CEP112: variants seen among roughly 807,000 people sequenced by gnomAD.
CEP112 encodes the protein centrosomal protein of 112 kDa.
Under a neutral mutation model 153.0 loss-of-function variants are expected in CEP112, and 127 were observed. The ratio of observed to expected loss-of-function variants is 0.83; its 90% CI spans 0.72 to 0.96. The LOEUF (loss-of-function observed/expected upper bound fraction) is 0.96, where lower values mean the gene tolerates loss of function less well. Ranked by LOEUF, CEP112 falls within the 40% of genes least tolerant of loss-of-function variation. CEP112 has a pLI of 0.00. For synonymous variants in CEP112, 358 were observed against 374.4 expected (o/e 0.96, Z 0.51); for missense variants, 1,089 against 1,101.2 (o/e 0.99, Z 0.16).
At chr17:66,040,032 T>C (rs1875402788) in intron 12 of CEP112, among the ~76,000 whole-genome samples, 1 of 152,218 alleles carries the variant, frequency 6.6e-6, no homozygotes, top group Admixed American at 6.5e-5. Context: ...ACATGTTTTA[T>C]GATGCACACA....
At chr17:65,821,199 T>C (rs76997522) in intron 21 of CEP112, among the ~76,000 whole-genome samples, 1,867 of 151,976 alleles carry the variant, frequency 0.012, 18 homozygotes, top group South Asian at 0.049. Flanking sequence ...TGATACAGGC[T>C]ATGTAATTAC....
intron 17 of CEP112, among the ~76,000 whole-genome samples, chr17:65,995,937 G>C (rs2193428): frequency 0.48 from 73,403 of 152,002 alleles, 19,599 homozygotes; most frequent in East Asian, 0.87. Flanking sequence ...AGTGCCTTTC[G>C]CTTTCCACCA....
chr17:65,961,539 GCCTGCT>G lies in CEP112; in HGVS notation c.1790_1795del (p.Gln597_Ala599delinsPro), dbSNP rs2062201292. The G allele has an allele frequency of 6.2e-7, 1 of 1,613,502 alleles. No homozygotes were observed. Among genetic ancestry groups the G allele is most frequent in the Non-Finnish European group, 8.5e-7 (1 of 1,179,520 alleles). On this transcript the variant is annotated inframe_deletion, in exon 18 of 27. Transcript: ENST00000535342. ...CTTAAACTCTTCCAGAGCGGCATCTGCCTGCTGGGCCTGCAACCTCTGAACTTCAGT... is the reference window on the plus strand; with the variant it reads ...CTTAAACTCTTCCAGAGCGGCATCTGGGGCCTGCAACCTCTGAACTTCAGT...
chr17:65,680,473 T>A (rs1441727299), intron 24 of CEP112, among the ~76,000 whole-genome samples: 1 of 152,060 alleles, frequency 6.6e-6, no homozygotes, highest in East Asian at 1.9e-4. Context: ...CTTCTCTCCA[T>A]CTGTCACCCT....
intron 18 of CEP112, among the ~76,000 whole-genome samples, chr17:65,952,926 A>G (rs1468413822): frequency 6.6e-6 from 1 of 152,160 alleles, no homozygotes; most frequent in African/African-American, 2.4e-5. Flanking sequence ...TCTTTTGTGA[A>G]GTGCCTGTTC....
At chr17:65,833,242 AC>A (rs1344470433) in intron 21 of CEP112, among the ~76,000 whole-genome samples, 1 of 152,078 alleles carries the variant, frequency 6.6e-6, no homozygotes, top group East Asian at 1.9e-4. Context: ...CAAACCCACC[AC>A]CAATATTATG....
chr17:65,944,565 A>G (rs897581867), intron 18 of CEP112, among the ~76,000 whole-genome samples: 1 of 152,120 alleles, frequency 6.6e-6, no homozygotes, highest in African/African-American at 2.4e-5. Flanking sequence ...ACAGTTAAAG[A>G]AATTAAAACT....
chr17:65,964,600 C>T (rs2062340878), intron 17 of CEP112, among the ~76,000 whole-genome samples: 1 of 152,142 alleles, frequency 6.6e-6, no homozygotes, highest in East Asian at 1.9e-4. Flanking sequence ...AATAGATGCT[C>T]TCTGGTGTGG....
intron 12 of CEP112, among the ~76,000 whole-genome samples, chr17:66,032,507 C>T (rs139157241): frequency 8.5e-5 from 13 of 152,148 alleles, no homozygotes; most frequent in Admixed American, 2.6e-4. Flanking sequence ...CCACTAGGAG[C>T]GAAAGTTAGT....
chr17:65,941,079 C>G (rs972571924), intron 18 of CEP112, among the ~76,000 whole-genome samples: 1 of 151,778 alleles, frequency 6.6e-6, no homozygotes, highest in Non-Finnish European at 1.5e-5. Flanking sequence ...TCAAAAAAAT[C>G]TCTTAAGGAT....
At chr17:65,929,684 G>A (rs997387825) in intron 18 of CEP112, among the ~76,000 whole-genome samples, 25 of 152,168 alleles carry the variant, frequency 1.6e-4, no homozygotes, top group African/African-American at 5.1e-4. Flanking sequence ...GTTCACTGTC[G>A]TCAGTGAAAT....
intron 16 of CEP112, among the ~76,000 whole-genome samples, chr17:66,025,045 C>G (rs910169132): frequency 6.6e-6 from 1 of 152,090 alleles, no homozygotes; most frequent in Admixed American, 6.6e-5. Context: ...GGGAAGGACA[C>G]CCTTTTCAAT....
intron 24 of CEP112, among the ~76,000 whole-genome samples, chr17:65,675,119 T>C (rs182696737): frequency 1.3e-5 from 2 of 152,214 alleles, no homozygotes; most frequent in Non-Finnish European, 2.9e-5. Flanking sequence ...AAAAATAAAA[T>C]ATCCAGAATA....
chr17:65,871,754 T>G (rs2058677490), intron 20 of CEP112, among the ~76,000 whole-genome samples: 1 of 152,224 alleles, frequency 6.6e-6, no homozygotes, highest in Non-Finnish European at 1.5e-5. Context: ...GTATCCTCGC[T>G]AGACAACTTG....
intron 20 of CEP112, among the ~76,000 whole-genome samples, chr17:65,899,164 A>G (rs935793616): frequency 1.3e-5 from 2 of 152,306 alleles, no homozygotes; most frequent in South Asian, 2.1e-4. Context: ...AATTTCAATA[A>G]GAGAGACCTG....
intron 17 of CEP112, among the ~76,000 whole-genome samples, chr17:65,971,507 C>G (rs550024116): frequency 3.1e-4 from 47 of 151,032 alleles, no homozygotes; most frequent in African/African-American, 1.1e-3. Context: ...ACATATCACA[C>G]ATGCACATTA....
At chr17:65,934,066 G>C (rs1163106677) in intron 18 of CEP112, among the ~76,000 whole-genome samples, 2 of 152,140 alleles carry the variant, frequency 1.3e-5, no homozygotes, top group Non-Finnish European at 2.9e-5. Flanking sequence ...GTGTGTGCCT[G>C]TAGTCCCCGC....
At chr17:65,799,366 T>C (rs1350053204) in intron 21 of CEP112, among the ~76,000 whole-genome samples, 1 of 152,184 alleles carries the variant, frequency 6.6e-6, no homozygotes, top group African/African-American at 2.4e-5. Context: ...CATCTCATTG[T>C]TGGTTATATC....
chr17:65,909,804 T>C (rs2060217925), intron 19 of CEP112, among the ~76,000 whole-genome samples: 1 of 152,206 alleles, frequency 6.6e-6, no homozygotes, highest in East Asian at 1.9e-4. Flanking sequence ...TGACATGGTT[T>C]GGTGAGACAT....
Sources: allele counts gnomAD v4.1 joint callset (sites outside exome capture counted in the v4.1 genomes callset), GRCh38; gene constraint gnomAD v4.1.1; transcripts MANE v1.5; gene names NCBI Gene and HGNC (gene_info 2026-07-23, HGNC 2026-07-21).